Variants in NBEA observed in about 807,000 individuals in gnomAD.
The protein encoded by NBEA is neurobeachin, also known as lysosomal-trafficking regulator 2.
A neutral mutation model predicts 343.4 loss-of-function variants in NBEA; 44 were observed. The observed-to-expected ratio is 0.13, with a 90% CI of 0.10 to 0.16. The LOEUF is 0.16. Ranked by LOEUF, NBEA falls within the 10% of genes least tolerant of loss-of-function variation. NBEA has a pLI of 1.00. For missense variants in NBEA, 2,555 were observed against 3,631.3 expected, an observed-to-expected ratio of 0.70 and a Z score of 7.62; for synonymous variants, 1,175 against 1,238.7, an observed-to-expected ratio of 0.95 and a Z score of 1.08.
intron 55 of NBEA, among the ~76,000 whole-genome samples, chr13:35,664,028 G>C (rs2085230494): frequency 6.6e-6 from 1 of 152,202 alleles, no homozygotes; most frequent in South Asian, 2.1e-4. Context: ...GCCGACCAGA[G>C]TGGAAGATGT....
intron 1 of NBEA, among the ~76,000 whole-genome samples, chr13:34,958,655 G>C (rs547480180): frequency 3.0e-4 from 46 of 152,210 alleles, no homozygotes; most frequent in African/African-American, 1.1e-3. Context: ...CTGCCCTTGA[G>C]AGTAGGAGCT....
At chr13:35,538,138 TG>T (rs1566285974) in intron 41 of NBEA, among the ~76,000 whole-genome samples, 1 of 152,172 alleles carries the variant, frequency 6.6e-6, no homozygotes, top group East Asian at 1.9e-4. Flanking sequence ...CGCAAATGCT[TG>T]GGATCAGAAG....
chr13:35,260,469 T>C (rs1388964069), intron 34 of NBEA, among the ~76,000 whole-genome samples: 1 of 152,220 alleles, frequency 6.6e-6, no homozygotes, highest in Non-Finnish European at 1.5e-5. Context: ...ATAATTGAGT[T>C]GGGCTCTTTA....
In NBEA at chr13:34,943,021, C is replaced by G. The variant is rs762992089; in HGVS notation, c.201C>G (p.Ile67Met). Reference protein sequence around the residue: ...PAGMINPSVPIRNIRMKFAVL... With the variant: ...PAGMINPSVPMRNIRMKFAVL... ...GGATGATTAACCCTTCGGTGCCGAT[C>G]CGCAACATCCGGATGAAATTCGCAG... The change falls in exon 1 of 59, where the codon ATC (isoleucine) becomes ATG (methionine). Residue 67 changes from isoleucine to methionine, a missense_variant. Ile to Met is a conservative substitution (Grantham distance 10). Coordinates refer to ENST00000379939, the MANE Select transcript of NBEA (RefSeq NM_001385012.1). The G allele has an allele frequency of 6.2e-7, 1 of 1,612,914 alleles. No individual in the cohort carries two copies. Among genetic ancestry groups the G allele is most frequent in the Non-Finnish European group, 8.5e-7 (1 of 1,179,476 alleles).
rs2079952865 is a variant in NBEA at position 35,563,138 on chromosome 13, GATAGATAGAT to G, written c.6923-3765_6923-3756del. 3.8e-5 allele frequency among the ~76,000 whole-genome samples: 5 copies of G among 132,206 alleles called. No individual in the cohort carries two copies. The South Asian group carries it at 7.2e-4, about 19-fold the overall frequency. The allele number at this position is 132,206 out of a possible 152,430, so 86.7% of individuals were successfully genotyped here. On this transcript the variant is annotated intron_variant, in intron 44 of 58. Coordinates refer to ENST00000379939, the MANE Select transcript of NBEA (RefSeq NM_001385012.1). The stretch of plus-strand genomic sequence containing the variant: ...GTATGTGTGTGTGTGTGTGGAGATA[GATAGATAGAT>G]AGATAGATAGATAGATAGATAGATA...
chr13:35,034,616 G>T lies in NBEA; in HGVS notation c.295-6317G>T, dbSNP rs554154261. On this transcript the variant is annotated intron_variant, in intron 1 of 58. Transcript: ENST00000379939. The stretch of plus-strand genomic sequence containing the variant: ...TCTATTTTTCAGAATAGTTTGAGTA[G>T]GATTAATATTAGTTCTTTAAATGTT... 1.1e-4 allele frequency among the ~76,000 whole-genome samples: 17 copies of T among 151,900 alleles called. No homozygotes were observed. In the South Asian group the frequency reaches 3.5e-3, roughly 31 times the overall value.
At chr13:35,579,449 G>A (rs1171456185) in intron 45 of NBEA, among the ~76,000 whole-genome samples, 1 of 151,800 alleles carries the variant, frequency 6.6e-6, no homozygotes, top group Non-Finnish European at 1.5e-5. Flanking sequence ...AAAAGGGCTT[G>A]GTACAATATG....
intron 44 of NBEA, among the ~76,000 whole-genome samples, chr13:35,559,731 C>T (rs1042606693): frequency 6.6e-6 from 1 of 151,864 alleles, no homozygotes; most frequent in Admixed American, 6.6e-5. Context: ...CTGGCTAACA[C>T]GGTGAAACCC....
chr13:35,418,648 G>T (rs2044093399), intron 38 of NBEA, among the ~76,000 whole-genome samples: 1 of 152,002 alleles, frequency 6.6e-6, no homozygotes, highest in Admixed American at 6.6e-5. Context: ...AACAGATGAT[G>T]ATATCCTAGA....
chr13:35,135,786 T>A (rs1375707954), intron 17 of NBEA, among the ~76,000 whole-genome samples: 1 of 151,990 alleles, frequency 6.6e-6, no homozygotes, highest in Non-Finnish European at 1.5e-5. Flanking sequence ...TATATATATA[T>A]GTATGCTTAG....
intron 1 of NBEA, among the ~76,000 whole-genome samples, chr13:35,031,025 C>CT (rs2062195162): frequency 6.6e-6 from 1 of 151,632 alleles, no homozygotes; most frequent in South Asian, 2.1e-4. Context: ...CCAGACTCTG[C>CT]TAAAGCAGTT....
Position 34,992,930 on chromosome 13 carries a change from G to A in NBEA, c.295-48003G>A, listed in dbSNP as rs574916004. Reference sequence around the variant, plus strand: ...GGTCTCTTGACCTTGTGATCCACCCGCTTTGGCCTCCCAAAGTGCTGGGAT... The same window carrying A: ...GGTCTCTTGACCTTGTGATCCACCCACTTTGGCCTCCCAAAGTGCTGGGAT... On this transcript the variant is annotated intron_variant, in intron 1 of 58. Transcript: ENST00000379939. 7.4e-5 allele frequency among the ~76,000 whole-genome samples: 11 copies of A among 149,348 alleles called. 1 individual carries two copies. The East Asian group carries it at 8.0e-4, about 11-fold the overall frequency.
At chr13:35,464,513 G>C (rs929302225) in intron 40 of NBEA, among the ~76,000 whole-genome samples, 1 of 152,168 alleles carries the variant, frequency 6.6e-6, no homozygotes, top group South Asian at 2.1e-4. Flanking sequence ...AATCATGATT[G>C]TTCTGTGAAT....
At chr13:35,198,047 G>A (rs1367065108) in intron 31 of NBEA, among the ~76,000 whole-genome samples, 1 of 152,080 alleles carries the variant, frequency 6.6e-6, no homozygotes, top group African/African-American at 2.4e-5. Flanking sequence ...AGTAAAAAAT[G>A]GTAGGACTAT....
intron 11 of NBEA, among the ~76,000 whole-genome samples, chr13:35,101,165 C>A (rs1253616725): frequency 6.6e-6 from 1 of 151,988 alleles, no homozygotes; most frequent in East Asian, 1.9e-4. Context: ...CATGAATGTT[C>A]ATGTGCTAGG....
intron 41 of NBEA, among the ~76,000 whole-genome samples, chr13:35,532,067 A>G (rs762169034): frequency 6.6e-6 from 1 of 152,148 alleles, no homozygotes; most frequent in African/African-American, 2.4e-5. Flanking sequence ...TAGAGTAGGG[A>G]TTAGCTTCAA....
chr13:35,071,197 G>A (rs1169747163), intron 10 of NBEA, among the ~76,000 whole-genome samples: 21 of 151,860 alleles, frequency 1.4e-4, no homozygotes, highest in Admixed American at 1.4e-3. Context: ...ACCCTGTCAG[G>A]TTGAAGAAAA....
chr13:35,177,001 A>G lies in NBEA; in HGVS notation c.4560A>G (p.Pro1520=). 1.3e-6 allele frequency: 2 copies of G among 1,579,114 alleles called. No individual in the cohort carries two copies. The highest frequency in any genetic ancestry group is 2.3e-5 in the East Asian group (1 of 43,862). ...SVTATAASKT[P]LENVPGNLSP... is the part of the protein sequence containing the mutation. Reference sequence around the variant, plus strand: ...AATTCTTTTTATTTTCAAAGACTCCATTGGAAAATGTTCCAGGTAACCTTT... The same window carrying G: ...AATTCTTTTTATTTTCAAAGACTCCGTTGGAAAATGTTCCAGGTAACCTTT... The change falls in exon 28 of 59, where the codon CCA becomes CCG. Residue 1520 remains proline (P), a synonymous_variant. Transcript: ENST00000379939.
intron 53 of NBEA, among the ~76,000 whole-genome samples, chr13:35,654,185 CTTTATTCAGA>C (rs1315368605): frequency 6.6e-6 from 1 of 152,178 alleles, no homozygotes; most frequent in African/African-American, 2.4e-5. Flanking sequence ...GAGTTCCTGA[CTTTATTCAGA>C]TTCAATCCCA....
Sources: allele counts gnomAD v4.1 joint callset (sites outside exome capture counted in the v4.1 genomes callset), GRCh38; gene constraint gnomAD v4.1.1; transcripts MANE v1.5; gene names NCBI Gene and HGNC (gene_info 2026-07-23, HGNC 2026-07-21).